Variants in SMAP1 observed in about 807,000 individuals in gnomAD.
The protein encoded by SMAP1 is small ArfGAP 1, also known as stromal membrane-associated protein 1.
SMAP1 carries 24 observed loss-of-function variants against 58.5 expected under a neutral mutation model. That is an observed-to-expected ratio of 0.41 (90% confidence interval 0.30 to 0.58). The LOEUF is 0.58. Ranked by LOEUF, SMAP1 falls within the 20% of genes least tolerant of loss-of-function variation. The pLI, the probability that SMAP1 is intolerant of heterozygous loss-of-function variation, is 0.29. For synonymous variants in SMAP1, 216 were observed against 196.6 expected, an observed-to-expected ratio of 1.10 and a Z score of -0.82; for missense variants, 563 against 566.3, an observed-to-expected ratio of 0.99 and a Z score of 0.06.
chr6:70,727,420 C>T (rs758428271), intron 1 of SMAP1, among the ~76,000 whole-genome samples: 1 of 152,090 alleles, frequency 6.6e-6, no homozygotes. Context: ...ACATAATAAT[C>T]ACATCAAATG....
chr6:70,816,207 G>A (rs988763321), intron 6 of SMAP1, among the ~76,000 whole-genome samples: 2 of 152,178 alleles, frequency 1.3e-5, no homozygotes, highest in African/African-American at 2.4e-5. Flanking sequence ...AATGGAAATT[G>A]TAAGGCATAT....
At chr6:70,723,028 G>C (rs1221657629) in intron 1 of SMAP1, among the ~76,000 whole-genome samples, 1 of 152,222 alleles carries the variant, frequency 6.6e-6, no homozygotes, top group African/African-American at 2.4e-5. Context: ...TGTTTGGGCA[G>C]CAACCGCTTA....
intron 10 of SMAP1, chr6:70,859,431 TCTG>T: frequency 6.7e-7 from 1 of 1,495,368 alleles, no homozygotes; most frequent in Non-Finnish European, 9.1e-7. Flanking sequence ...GAAGACGTGA[TCTG>T]CTTCTTCAGA....
At chr6:70,810,057 G>A (rs745545319) in intron 6 of SMAP1, among the ~76,000 whole-genome samples, 1 of 152,188 alleles carries the variant, frequency 6.6e-6, no homozygotes, top group Non-Finnish European at 1.5e-5. Context: ...AAAGATTACA[G>A]TGTAGTACCC....
At chr6:70,692,712 A>G (rs1767224491) in intron 1 of SMAP1, among the ~76,000 whole-genome samples, 2 of 152,170 alleles carry the variant, frequency 1.3e-5, no homozygotes, top group Non-Finnish European at 2.9e-5. Flanking sequence ...CCCTTTGTCA[A>G]AAATGAGTTC....
Position 70,725,093 on chromosome 6 carries a change from G to GTTTTTTTTTTTTT in SMAP1, c.119-7256_119-7244dup, listed in dbSNP as rs745587315. ...GACTCCATATCCTAAATTAACCAGT[G>GTTTTTTTTTTTTT]TTTTTTTTTTTTTTTTTTTTTTTTT... On this transcript the variant is annotated intron_variant, in intron 1 of 10. Transcript: ENST00000370455. Among the ~76,000 whole-genome samples, 19 of 47,822 alleles carry GTTTTTTTTTTTTT rather than the reference G, an allele frequency of 4.0e-4. 7 individuals are homozygous for GTTTTTTTTTTTTT. The highest frequency in any genetic ancestry group is 7.3e-4 in the Admixed American group (2 of 2,754). 31.4% of individuals were successfully genotyped at this position (47,822 alleles called of 152,430 possible).
At chr6:70,722,977 C>T (rs1768596912) in intron 1 of SMAP1, among the ~76,000 whole-genome samples, 1 of 152,194 alleles carries the variant, frequency 6.6e-6, no homozygotes, top group Non-Finnish European at 1.5e-5. Flanking sequence ...GGCCTATCCC[C>T]AGCAGTACCG....
At chr6:70,719,977 G>C (rs942346975) in intron 1 of SMAP1, among the ~76,000 whole-genome samples, 1 of 152,070 alleles carries the variant, frequency 6.6e-6, no homozygotes, top group Non-Finnish European at 1.5e-5. Context: ...CACATTTCAA[G>C]ACTAATCATG....
At chr6:70,783,573 A>G (rs917396595) in intron 4 of SMAP1, among the ~76,000 whole-genome samples, 3 of 152,208 alleles carry the variant, frequency 2.0e-5, no homozygotes, top group Non-Finnish European at 2.9e-5. Flanking sequence ...AGATGAATGT[A>G]TAACTAGAAT....
intron 6 of SMAP1, among the ~76,000 whole-genome samples, chr6:70,804,309 CCT>C (rs1491159542): frequency 2.0e-5 from 3 of 151,630 alleles, no homozygotes; most frequent in Non-Finnish European, 4.4e-5. Context: ...GATTGCAACC[CCT>C]GTTTTTTTTT....
chr6:70,754,165 G>T (rs1766392566), intron 2 of SMAP1, among the ~76,000 whole-genome samples: 1 of 152,074 alleles, frequency 6.6e-6, no homozygotes, highest in Non-Finnish European at 1.5e-5. Flanking sequence ...AGGAACTGAA[G>T]TTCTGTGTAA....
chr6:70,770,121 G>C (rs955369541), intron 3 of SMAP1, among the ~76,000 whole-genome samples: 1 of 151,902 alleles, frequency 6.6e-6, no homozygotes, highest in Non-Finnish European at 1.5e-5. Context: ...GAGGTCAGCT[G>C]TTAGTCTGAT....
At chr6:70,758,375 TG>T (rs1201396206) in intron 3 of SMAP1, among the ~76,000 whole-genome samples, 2 of 66,922 alleles carry the variant, frequency 3.0e-5, no homozygotes, top group Admixed American at 2.3e-4. Flanking sequence ...TGTGGTGGGG[TG>T]GGGGGAGGGG....
At chr6:70,787,343 G>A (rs372501528) in intron 4 of SMAP1, among the ~76,000 whole-genome samples, 4 of 151,114 alleles carry the variant, frequency 2.6e-5, no homozygotes, top group South Asian at 2.1e-4. Context: ...AACCATAAAA[G>A]CCCTAGAAGA....
chr6:70,668,660 C>T (rs1482354979), intron 1 of SMAP1: 2 of 1,535,828 alleles, frequency 1.3e-6, no homozygotes, highest in East Asian at 2.4e-5. Context: ...CACCTGACAG[C>T]TTTTGTACAA....
chr6:70,859,437 T>G (rs1171273730), intron 10 of SMAP1: 4 of 1,459,302 alleles, frequency 2.7e-6, no homozygotes, highest in African/African-American at 1.4e-5. Context: ...GTGATCTGCT[T>G]CTTCAGACAC....
intron 6 of SMAP1, among the ~76,000 whole-genome samples, chr6:70,823,510 G>T (rs1320136050): frequency 6.6e-6 from 1 of 152,060 alleles, no homozygotes; most frequent in African/African-American, 2.4e-5. Flanking sequence ...AGAACAGAAT[G>T]TTCCATCATA....
chr6:70,703,798 C>T (rs527386558), intron 1 of SMAP1, among the ~76,000 whole-genome samples: 41 of 152,278 alleles, frequency 2.7e-4, no homozygotes, highest in African/African-American at 9.1e-4. Flanking sequence ...AATTCAGCCA[C>T]CTTAGTCTCT....
rs1032373436 is a variant in SMAP1, at chr6:70,825,165, G to A, written c.577-11776G>A. Among the ~76,000 whole-genome samples, 39 of 152,104 alleles carry A rather than the reference G, an allele frequency of 2.6e-4. 1 individual carries two copies. Among genetic ancestry groups the A allele is most frequent in the Admixed American group, 2.0e-3 (31 of 15,254 alleles). Reference sequence around the variant, plus strand: ...CCTGTGCTTAAGCTTATGTCCCATCGGATTTACAAAATAGATATTCAAAGA... The same window carrying A: ...CCTGTGCTTAAGCTTATGTCCCATCAGATTTACAAAATAGATATTCAAAGA... On this transcript the variant is annotated intron_variant, in intron 6 of 10. Transcript: ENST00000370455.
Sources: gnomAD v4.1 joint callset for allele counts (sites outside exome capture counted in the v4.1 genomes callset) on GRCh38, gnomAD v4.1.1 for gene constraint, MANE v1.5 for transcripts, NCBI Gene and HGNC (gene_info 2026-07-23, HGNC 2026-07-21) for gene names.